The following ZNF550 variants were observed in gnomAD, a reference collection of about 807,000 sequenced individuals.
ZNF550 encodes zinc finger protein 550.
A neutral mutation model predicts 40.2 loss-of-function variants in ZNF550; 42 were observed. The ratio of observed to expected loss-of-function variants is 1.05; its 90% CI spans 0.82 to 1.35. The LOEUF (loss-of-function observed/expected upper bound fraction) is 1.35. Ranked by LOEUF, ZNF550 falls within the 40% of genes most tolerant of loss-of-function variation. The pLI, the probability that ZNF550 is intolerant of heterozygous loss-of-function variation, is 0.00. For missense variants in ZNF550, 549 were observed against 525.2 expected (o/e 1.05, Z -0.44); for synonymous variants, 223 against 198.6 (o/e 1.12, Z -1.03).
chr19:57,560,141 G>T (rs1028621122), upstream of ZNF550, among the ~76,000 whole-genome samples: 1 of 152,154 alleles, frequency 6.6e-6, no homozygotes, highest in Admixed American at 6.5e-5. Flanking sequence ...GATAAAGGGG[G>T]CCCTGCCACG....
chr19:57,547,703 CATCTG>C lies in ZNF550; in HGVS notation c.536_540del (p.Ala179GlyfsTer4). 1.9e-6 allele frequency: 3 copies of C among 1,614,200 alleles called. No individual in the cohort carries two copies. Among genetic ancestry groups the C allele is most frequent in the Non-Finnish European group, 2.5e-6 (3 of 1,180,050 alleles). On this transcript the variant is annotated frameshift_variant, in exon 4 of 5. Transcript: ENST00000457177. LOFTEE classifies it high-confidence loss of function. ...TGCTGTGAGTCACATTCATGGAGAACATCTGCTGATAACCACTCTTGTAATGCCCT... is the reference window on the plus strand; with the variant it reads ...TGCTGTGAGTCACATTCATGGAGAACCTGATAACCACTCTTGTAATGCCCT...
chr19:57,551,734 G>A (rs909043082), intron 3 of ZNF550, among the ~76,000 whole-genome samples: 1 of 152,194 alleles, frequency 6.6e-6, no homozygotes, highest in African/African-American at 2.4e-5. Context: ...TGGCCAAGAA[G>A]CCCAAGGGGA....
exon 4 of ZNF550, chr19:57,546,918 T>C: frequency 6.5e-7 from 1 of 1,535,514 alleles, no homozygotes; most frequent in Non-Finnish European, 8.8e-7. Context: ...CCATTATGAA[T>C]GATAAAATAA....
intron 4 of ZNF550, chr19:57,543,978 CTG>C (rs1242203068): frequency 1.1e-5 from 11 of 985,352 alleles, no homozygotes; most frequent in East Asian, 2.3e-4. Context: ...CAATCATAAA[CTG>C]TGGAAAACAT....
chr19:57,545,718 CA>C (rs1250072836), intron 4 of ZNF550, among the ~76,000 whole-genome samples: 2 of 151,974 alleles, frequency 1.3e-5, no homozygotes, highest in African/African-American at 2.4e-5. Context: ...CTCATCTATA[CA>C]AAAAAATTTA....
exon 4 of ZNF550, chr19:57,547,502 G>A (rs188961109): frequency 1.7e-5 from 28 of 1,614,054 alleles, no homozygotes; most frequent in South Asian, 6.6e-5. Flanking sequence ...AGGTAGTGCC[G>A]AATGAGAGTT....
Position 57,548,046 on chromosome 19 carries a change from A to G in ZNF550, c.251-53T>C, listed in dbSNP as rs964612884. ...GGTCTTTTAGTGATAAAATATAGAA[A>G]AACACAAAATAACCACTTCAGTAGG... On this transcript the variant is annotated intron_variant, in intron 3 of 4. Transcript: ENST00000457177. 4 of 1,503,882 alleles carry G rather than the reference A, an allele frequency of 2.7e-6. No individual in the cohort carries two copies. The African/African-American group carries it at 5.6e-5, about 21-fold the overall frequency. The allele number at this position is 1,503,882 out of a possible 1,614,324, so 93.2% of individuals were successfully genotyped here. A position where few individuals can be genotyped will look rare whatever the true frequency, so the allele number is the denominator to read the frequency against.
At chr19:57,547,746 A>C in exon 4 of ZNF550, 1 of 1,614,128 alleles carries the variant, frequency 6.2e-7, no homozygotes, top group Non-Finnish European at 8.5e-7. Context: ...AGTGCAGACC[A>C]TCATCTGTCC....
chr19:57,544,934 C>A (rs926335089), intron 4 of ZNF550, among the ~76,000 whole-genome samples: 3 of 152,058 alleles, frequency 2.0e-5, no homozygotes, highest in Admixed American at 2.0e-4. Flanking sequence ...CCAGCCTGGG[C>A]AACATGGCAA....
chr19:57,543,079 C>G (rs1202425697), exon 5 of ZNF550: 1 of 229,570 alleles, frequency 4.4e-6, no homozygotes. Context: ...TCCCTACACT[C>G]TTCTGATCAC....
At chr19:57,546,954 C>A (rs534205692) in exon 4 of ZNF550, 3 of 1,586,262 alleles carry the variant, frequency 1.9e-6, no homozygotes, top group South Asian at 2.3e-5. Context: ...TTGCTGTATT[C>A]ATTGCAGCAA....
At chr19:57,552,208 G>A (rs974872373) in intron 3 of ZNF550, among the ~76,000 whole-genome samples, 1 of 152,192 alleles carries the variant, frequency 6.6e-6, no homozygotes, top group Non-Finnish European at 1.5e-5. Flanking sequence ...AGGAGTCTGA[G>A]GTGATGTAAA....
chr19:57,547,874 C>G (rs1303672322), exon 4 of ZNF550: 1 of 1,614,108 alleles, frequency 6.2e-7, no homozygotes, highest in Admixed American at 1.7e-5. Context: ...CTAGCTCTCC[C>G]CAACCTCGAA....
At chr19:57,547,138 T>G in exon 4 of ZNF550, 7 of 1,610,788 alleles carry the variant, frequency 4.3e-6, no homozygotes, top group Non-Finnish European at 5.9e-6. Context: ...TTCATAGGGC[T>G]TCTCCCCAGT....
At chr19:57,555,334 A>T (rs1476807813) in intron 2 of ZNF550, 2 of 152,108 alleles carry the variant, frequency 1.3e-5, no homozygotes, top group African/African-American at 4.8e-5. Flanking sequence ...CTCAGCGCTG[A>T]TCTGAGACTT....
At chr19:57,549,524 T>C (rs370374598) in intron 3 of ZNF550, among the ~76,000 whole-genome samples, 4 of 152,154 alleles carry the variant, frequency 2.6e-5, no homozygotes, top group African/African-American at 9.6e-5. Context: ...CTAATGAGAC[T>C]GGAAAGAAAA....
At chr19:57,551,002 T>C (rs2090067740) in intron 3 of ZNF550, among the ~76,000 whole-genome samples, 1 of 152,190 alleles carries the variant, frequency 6.6e-6, no homozygotes, top group African/African-American at 2.4e-5. Flanking sequence ...ATATTCACTT[T>C]CTGGTTTTGT....
exon 5 of ZNF550, chr19:57,542,150 AATACCAG>A (rs1311371609): frequency 6.6e-6 from 1 of 152,000 alleles, no homozygotes; most frequent in Non-Finnish European, 1.5e-5. Flanking sequence ...CAATATGAGA[AATACCAG>A]ATATATTCTA....
chr19:57,546,171 TCTAATTTCTA>T, intron 4 of ZNF550, among the ~76,000 whole-genome samples: 1 of 152,276 alleles, frequency 6.6e-6, no homozygotes, highest in South Asian at 2.1e-4. Context: ...TTCTCAGTAT[TCTAATTTCTA>T]CTAAATTCAA....
Sources: gnomAD v4.1 joint callset for allele counts (sites outside exome capture counted in the v4.1 genomes callset) on GRCh38, gnomAD v4.1.1 for gene constraint, MANE v1.5 for transcripts, NCBI Gene and HGNC (gene_info 2026-07-23, HGNC 2026-07-21) for gene names.